ECT2L: variants seen among roughly 807,000 people sequenced by gnomAD.
ECT2L encodes the protein epithelial cell-transforming sequence 2 oncogene-like.
In ECT2L, 126 loss-of-function variants were observed where a neutral mutation model predicts 122.8. The observed-to-expected ratio is 1.03, with a 90% CI of 0.89 to 1.19. The LOEUF (loss-of-function observed/expected upper bound fraction) is 1.19, where lower values mean the gene tolerates loss of function less well. ECT2L is among the 50% of genes most tolerant of loss of function. The probability of loss-of-function intolerance (pLI) is 0.00; values close to 1 mark genes in which losing one functional copy is unlikely to be tolerated. For synonymous variants in ECT2L, 385 were observed against 381.8 expected, an observed-to-expected ratio of 1.01 and a Z score of -0.10; for missense variants, 1,012 against 1,064.1, an observed-to-expected ratio of 0.95 and a Z score of 0.68.
At chr6:138,888,317 C>CTTTTTTTTTTTT (rs71270363) in intron 19 of ECT2L, among the ~76,000 whole-genome samples, 1 of 128,644 alleles carries the variant, frequency 7.8e-6, no homozygotes. Flanking sequence ...TTTTTCTTTT[C>CTTTTTTTTTTTT]TTTTTTTTTT....
chr6:138,832,362 A>T (rs182473590), intron 4 of ECT2L, among the ~76,000 whole-genome samples: 188 of 152,134 alleles, frequency 1.2e-3, no homozygotes, highest in Admixed American at 2.6e-3. Flanking sequence ...ATGGTGTTTT[A>T]GTCTGAGGTT....
chr6:138,812,675 C>A (rs1009120658), intron 1 of ECT2L, among the ~76,000 whole-genome samples, 163 bp from the exon 2 acceptor site: 1 of 152,020 alleles, frequency 6.6e-6, no homozygotes, highest in East Asian at 1.9e-4. Context: ...CATGGTGGTG[C>A]GCACCTGTAA....
At chr6:138,884,440 C>T (rs952979954) in intron 16 of ECT2L, among the ~76,000 whole-genome samples, 2 of 152,044 alleles carry the variant, frequency 1.3e-5, no homozygotes, top group African/African-American at 4.8e-5. Context: ...GAGTTCGAGA[C>T]CAGCCTGGCC....
At chr6:138,891,808 T>TATTTTAC (rs34442000) in intron 20 of ECT2L, among the ~76,000 whole-genome samples, 1 of 26,640 alleles carries the variant, frequency 3.8e-5, no homozygotes, top group African/African-American at 1.1e-4. Flanking sequence ...AGAATAAATC[T>TATTTTAC]ATTTTACACA....
chr6:138,863,225 G>A (rs12205077), intron 11 of ECT2L, among the ~76,000 whole-genome samples: 40,144 of 151,974 alleles, frequency 0.26, 6,562 homozygotes, highest in Admixed American at 0.37. Context: ...AATGTAACAC[G>A]GGCTGACCAA....
intron 13 of ECT2L, 54 bp downstream of exon 13, chr6:138,868,260 C>A (rs895504235): frequency 1.5e-5 from 22 of 1,496,384 alleles, no homozygotes; most frequent in Non-Finnish European, 1.8e-5. Context: ...TAAATAAATT[C>A]TGTTTGCAGT....
At chr6:138,899,317 A>C (rs1779319312) in intron 20 of ECT2L, among the ~76,000 whole-genome samples, 1 of 152,316 alleles carries the variant, frequency 6.6e-6, no homozygotes, top group Middle Eastern at 3.4e-3. Flanking sequence ...AAAAAGAAGG[A>C]ATAAAAGTCC....
chr6:138,847,561 G>A (rs1251461667), intron 8 of ECT2L, among the ~76,000 whole-genome samples: 1 of 123,216 alleles, frequency 8.1e-6, no homozygotes, highest in Non-Finnish European at 1.7e-5. Flanking sequence ...TTTTTTTTTA[G>A]TAAAGACGGG....
At chr6:138,897,329 A>C (rs1374935031) in intron 20 of ECT2L, among the ~76,000 whole-genome samples, 1 of 152,224 alleles carries the variant, frequency 6.6e-6, no homozygotes, top group African/African-American at 2.4e-5. Flanking sequence ...TTAAAAAATA[A>C]ATAAATACAA....
intron 12 of ECT2L, 142 bp downstream of exon 12, chr6:138,865,320 C>T (rs12198757): frequency 0.3 from 192,713 of 632,578 alleles, 32,337 homozygotes; most frequent in Admixed American, 0.39. Flanking sequence ...GTTGCTCACA[C>T]GGCCTTTCAA....
chr6:138,834,950 C>CTCAT (rs1776778713), intron 4 of ECT2L, among the ~76,000 whole-genome samples: 1 of 150,244 alleles, frequency 6.7e-6, no homozygotes, highest in Admixed American at 6.6e-5. Context: ...CATTCTCTCT[C>CTCAT]TCTGTCTCTT....
At chr6:138,852,685 T>A (rs1442113086) in intron 9 of ECT2L, among the ~76,000 whole-genome samples, 1 of 152,234 alleles carries the variant, frequency 6.6e-6, no homozygotes, top group Non-Finnish European at 1.5e-5. Context: ...GTTTTCCTTG[T>A]TTAGCTTACC....
At chr6:138,799,847 C>T (rs1313259027) in intron 1 of ECT2L, among the ~76,000 whole-genome samples, 2 of 152,140 alleles carry the variant, frequency 1.3e-5, no homozygotes, top group Admixed American at 6.5e-5. Flanking sequence ...CACTGCATGC[C>T]GACTGGATGA....
rs34748294 is a variant in ECT2L at position 138,805,974 on chromosome 6, G to A, written c.-243-6864G>A. Among the ~76,000 whole-genome samples, 5 of 152,022 alleles carry A rather than the reference G, an allele frequency of 3.3e-5. No homozygotes were observed. The East Asian group carries it at 7.7e-4, about 24-fold the overall frequency. On this transcript the variant is annotated intron_variant, in intron 1 of 21. Coordinates refer to ENST00000541398, the MANE Select transcript of ECT2L (RefSeq NM_001077706.3). The stretch of plus-strand genomic sequence containing the variant: ...TGGCCATGTGCACAGACAATATACT[G>A]TGTCCCTCCCTCTGGCCACAAGTCA...
intron 4 of ECT2L, among the ~76,000 whole-genome samples, chr6:138,830,499 A>C (rs1455351131): frequency 6.6e-6 from 1 of 152,206 alleles, no homozygotes; most frequent in Non-Finnish European, 1.5e-5. Flanking sequence ...CTCTAGAGTC[A>C]TCTGCAGGGA....
At chr6:138,898,730 T>C (rs1308455930) in intron 20 of ECT2L, among the ~76,000 whole-genome samples, 3 of 152,304 alleles carry the variant, frequency 2.0e-5, no homozygotes, top group East Asian at 1.9e-4. Context: ...ATATGAATTA[T>C]AGCAGCTTTT....
Position 138,902,765 on chromosome 6 carries a change from C to G in ECT2L, c.*138C>G. 9.5e-7 allele frequency: 1 copy of G among 1,052,948 alleles called. No individual in the cohort carries two copies. 65.2% of individuals were successfully genotyped at this position (1,052,948 alleles called of 1,614,324 possible). The stretch of plus-strand genomic sequence containing the variant: ...GATAAACTAAGATGACCCATAGGAT[C>G]TTTCCAACTTTTAAACTTTATCACT... On this transcript the variant is annotated 3_prime_UTR_variant, in exon 22 of 22. Transcript: ENST00000541398.
intron 4 of ECT2L, among the ~76,000 whole-genome samples, chr6:138,835,845 C>A (rs76632012): frequency 0.027 from 4,042 of 152,270 alleles, 144 homozygotes; most frequent in African/African-American, 0.087. Flanking sequence ...GGTCCAGAAT[C>A]CAGCCCAGGG....
At chr6:138,855,610 A>T (rs539773829) in intron 10 of ECT2L, among the ~76,000 whole-genome samples, 11 of 152,364 alleles carry the variant, frequency 7.2e-5, no homozygotes, top group African/African-American at 2.6e-4. Context: ...CTACTTTTCT[A>T]CTTTGAAATT....
Sources: gnomAD v4.1 joint callset for allele counts (sites outside exome capture counted in the v4.1 genomes callset) on GRCh38, gnomAD v4.1.1 for gene constraint, MANE v1.5 for transcripts, NCBI Gene and HGNC (gene_info 2026-07-23, HGNC 2026-07-21) for gene names.